The following PCDH9 variants were observed in gnomAD, a reference collection of about 807,000 sequenced individuals.
PCDH9 encodes protocadherin-9.
In PCDH9, 24 loss-of-function variants were observed where a neutral mutation model predicts 70.6. That is an observed-to-expected ratio of 0.34 (90% CI 0.25 to 0.48). The LOEUF (loss-of-function observed/expected upper bound fraction) is 0.48, where lower values mean the gene tolerates loss of function less well. PCDH9 is among the 20% of genes least tolerant of loss of function. The pLI, the probability that PCDH9 is intolerant of heterozygous loss-of-function variation, is 0.99. For synonymous variants in PCDH9, 562 were observed against 558.5 expected (o/e 1.01, Z -0.09); for missense variants, 1,281 against 1,503.6 (o/e 0.85, Z 2.45).
chr13:66,881,746 C>A (rs980976227), intron 3 of PCDH9, among the ~76,000 whole-genome samples: 3 of 152,158 alleles, frequency 2.0e-5, no homozygotes, highest in Admixed American at 2.0e-4. Context: ...ATTTCCAATG[C>A]CTTCTATAAA....
At chr13:66,438,420 A>C (rs1424708584) in intron 4 of PCDH9, among the ~76,000 whole-genome samples, 1 of 151,188 alleles carries the variant, frequency 6.6e-6, no homozygotes, top group East Asian at 1.9e-4. Flanking sequence ...ATGTTTAGGC[A>C]CTAGCAAGGC....
intron 2 of PCDH9, among the ~76,000 whole-genome samples, chr13:67,096,098 C>A (rs1259927872): frequency 6.6e-6 from 1 of 151,946 alleles, no homozygotes; most frequent in Non-Finnish European, 1.5e-5. Context: ...CTTCAGATAC[C>A]CGAATAGAGA....
At chr13:66,448,857 C>T (rs974944995) in intron 4 of PCDH9, among the ~76,000 whole-genome samples, 22 of 152,084 alleles carry the variant, frequency 1.4e-4, no homozygotes, top group African/African-American at 5.3e-4. Flanking sequence ...AGTTATGCTG[C>T]AAGAATTTAT....
chr13:66,862,863 A>T (rs188754680), intron 3 of PCDH9, among the ~76,000 whole-genome samples: 69 of 152,090 alleles, frequency 4.5e-4, no homozygotes, highest in East Asian at 4.1e-3. Flanking sequence ...AGATAGCATA[A>T]TTTTTTTTAA....
At chr13:67,219,411 C>G (rs1017562564) in intron 2 of PCDH9, 2 of 151,996 alleles carry the variant, frequency 1.3e-5, no homozygotes, top group African/African-American at 4.8e-5. Context: ...TAAATAACAA[C>G]CAATGAAATC....
chr13:66,635,282 G>A (rs1209331466), intron 3 of PCDH9, among the ~76,000 whole-genome samples: 3 of 152,084 alleles, frequency 2.0e-5, no homozygotes, highest in African/African-American at 7.2e-5. Flanking sequence ...TTGTTTGCAT[G>A]TCACATTTGT....
chr13:67,192,906 C>G (rs138206182), intron 2 of PCDH9, among the ~76,000 whole-genome samples: 3 of 152,086 alleles, frequency 2.0e-5, no homozygotes, highest in African/African-American at 7.2e-5. Context: ...TATCTTTCAA[C>G]GAGTAGCAGA....
At chr13:66,878,183 GC>G (rs2081853322) in intron 3 of PCDH9, among the ~76,000 whole-genome samples, 2 of 151,790 alleles carry the variant, frequency 1.3e-5, no homozygotes, top group South Asian at 4.2e-4. Flanking sequence ...AAATGTAAGG[GC>G]CGTGGGACTA....
At chr13:66,730,850 T>C (rs1448429477) in intron 3 of PCDH9, among the ~76,000 whole-genome samples, 2 of 111,948 alleles carry the variant, frequency 1.8e-5, no homozygotes, top group African/African-American at 2.9e-5. Context: ...GGCTGTTTTT[T>C]TGTTTTTGTT....
chr13:66,708,898 T>G (rs929788133), intron 3 of PCDH9, among the ~76,000 whole-genome samples: 1 of 152,132 alleles, frequency 6.6e-6, no homozygotes, highest in Non-Finnish European at 1.5e-5. Context: ...TCTTCAGAGG[T>G]CTGGTTTAGG....
In PCDH9 at chr13:66,492,755, T is replaced by A. The variant is rs550325588; in HGVS notation, c.3340+138455A>T. Among the ~76,000 whole-genome samples the A allele has an allele frequency of 2.0e-5, 3 of 152,188 alleles. No homozygotes were observed. In the South Asian group the frequency reaches 6.2e-4, roughly 32 times the overall value. On this transcript the variant is annotated intron_variant, in intron 4 of 4. Coordinates refer to ENST00000377865, the MANE Select transcript of PCDH9 (RefSeq NM_203487.3). Reference sequence around the variant, plus strand: ...AAGATGCAACCTTTTGTGACACCACTTGAGGAGAAAAGGTTATGTTTCACA... The same window carrying A: ...AAGATGCAACCTTTTGTGACACCACATGAGGAGAAAAGGTTATGTTTCACA...
intron 2 of PCDH9, among the ~76,000 whole-genome samples, chr13:66,933,918 G>T (rs1475262): frequency 8.2e-5 from 12 of 146,646 alleles, no homozygotes; most frequent in African/African-American, 2.3e-4. Context: ...GGGGGCGGGG[G>T]GGCAAAAAAG....
At chr13:66,589,022 A>G (rs2077002490) in intron 4 of PCDH9, among the ~76,000 whole-genome samples, 1 of 152,072 alleles carries the variant, frequency 6.6e-6, no homozygotes, top group South Asian at 2.1e-4. Flanking sequence ...TATATGTTAT[A>G]TAAAATGTTC....
chr13:66,977,139 A>AT (rs1566334277), intron 2 of PCDH9, among the ~76,000 whole-genome samples: 2 of 152,124 alleles, frequency 1.3e-5, no homozygotes, highest in Admixed American at 1.3e-4. Context: ...TCCCTCTGTG[A>AT]TAATTAATAA....
At chr13:66,708,055 T>TTTTTA (rs2078737178) in intron 3 of PCDH9, among the ~76,000 whole-genome samples, 3 of 148,984 alleles carry the variant, frequency 2.0e-5, no homozygotes, top group South Asian at 2.1e-4. Flanking sequence ...ATTTTATTTT[T>TTTTTA]TTTTTATTTT....
intron 3 of PCDH9, among the ~76,000 whole-genome samples, chr13:66,756,170 C>A: frequency 6.6e-6 from 1 of 152,068 alleles, no homozygotes. Context: ...GCAGTGAATT[C>A]AATGCCAAAG....
Position 66,691,095 on chromosome 13 carries a change from TG to T in PCDH9, c.3139-59685del, listed in dbSNP as rs2078477875. Among the ~76,000 whole-genome samples, 3 of 152,296 alleles carry T rather than the reference TG, an allele frequency of 2.0e-5. No individual in the cohort carries two copies. In the South Asian group the frequency reaches 6.2e-4, roughly 32 times the overall value. On this transcript the variant is annotated intron_variant, in intron 3 of 4. Coordinates refer to ENST00000377865, the MANE Select transcript of PCDH9 (RefSeq NM_203487.3). ...CCCTGTAGCACTGGCCAGAGTGCAG[TG>T]GCACCATCTTGACTCACTGAAACCT...
chr13:66,654,389 T>A (rs1294927581), intron 3 of PCDH9, among the ~76,000 whole-genome samples: 1 of 151,968 alleles, frequency 6.6e-6, no homozygotes, highest in Non-Finnish European at 1.5e-5. Flanking sequence ...AGGATGAATA[T>A]AATCTAGTAT....
intron 2 of PCDH9, among the ~76,000 whole-genome samples, chr13:66,917,643 T>C (rs766792186): frequency 4.0e-5 from 6 of 151,302 alleles, no homozygotes; most frequent in Non-Finnish European, 7.4e-5. Context: ...CAGATACAAA[T>C]AGAACATACG....
Sources: gnomAD v4.1 joint callset for allele counts (sites outside exome capture counted in the v4.1 genomes callset) on GRCh38, gnomAD v4.1.1 for gene constraint, MANE v1.5 for transcripts, NCBI Gene and HGNC (gene_info 2026-07-23, HGNC 2026-07-21) for gene names.